The following PEPD variants were observed in gnomAD, a reference collection of about 807,000 sequenced individuals.
The protein encoded by PEPD is xaa-Pro dipeptidase.
A neutral mutation model predicts 60.7 loss-of-function variants in PEPD; 53 were observed. The observed-to-expected ratio is 0.87, with a 90% confidence interval of 0.70 to 1.10. PEPD has a LOEUF of 1.10. PEPD is among the 50% of genes least tolerant of loss of function. The pLI, the probability that PEPD is intolerant of heterozygous loss-of-function variation, is 0.00. For missense variants in PEPD, 711 were observed against 711.9 expected (o/e 1.00, Z 0.01); for synonymous variants, 267 against 284.1 (o/e 0.94, Z 0.60).
chr19:33,492,043 CA>C (rs757173823), intron 5 of PEPD, among the ~76,000 whole-genome samples: 4,181 of 81,564 alleles, frequency 0.051, 145 homozygotes, highest in African/African-American at 0.16. Flanking sequence ...TATTCCATTT[CA>C]AAAAAAAAAA....
chr19:33,436,549 G>C (rs150582648), intron 9 of PEPD, among the ~76,000 whole-genome samples: 4 of 152,336 alleles, frequency 2.6e-5, no homozygotes, highest in South Asian at 4.1e-4. Context: ...CCCCTGCAGG[G>C]GCAGAGGGGC....
intron 9 of PEPD, among the ~76,000 whole-genome samples, chr19:33,461,442 T>C (rs7258496): frequency 0.42 from 63,350 of 152,002 alleles, 13,958 homozygotes; most frequent in African/African-American, 0.56. Context: ...TCTGGGACGC[T>C]GTGGGGAGGG....
chr19:33,498,633 G>A (rs1250545769), intron 4 of PEPD, among the ~76,000 whole-genome samples: 2 of 151,908 alleles, frequency 1.3e-5, no homozygotes, highest in Non-Finnish European at 2.9e-5. Flanking sequence ...CATCCTGCCA[G>A]GGTCCTTGAG....
chr19:33,504,759 CAA>C, intron 3 of PEPD, among the ~76,000 whole-genome samples: 1 of 137,294 alleles, frequency 7.3e-6, no homozygotes, highest in African/African-American at 2.7e-5. Flanking sequence ...AACTCTGTCT[CAA>C]AAAAAAAAAA....
intron 5 of PEPD, among the ~76,000 whole-genome samples, chr19:33,492,076 G>C (rs985556365): frequency 1.3e-5 from 2 of 151,440 alleles, no homozygotes; most frequent in Non-Finnish European, 2.9e-5. Context: ...AAGAGGGAAG[G>C]GTCACTTTGG....
At chr19:33,491,971 T>A (rs1052406923) in intron 5 of PEPD, among the ~76,000 whole-genome samples, 1 of 151,838 alleles carries the variant, frequency 6.6e-6, no homozygotes, top group Non-Finnish European at 1.5e-5. Context: ...GAGAAGTTAC[T>A]GTTTATTTCT....
At chr19:33,496,947 A>G (rs1970618426) in intron 4 of PEPD, among the ~76,000 whole-genome samples, 1 of 152,276 alleles carries the variant, frequency 6.6e-6, no homozygotes, top group Non-Finnish European at 1.5e-5. Context: ...TGCCTTTGCC[A>G]GCGCTGGGAA....
intron 12 of PEPD, 34 bp from the exon 13 acceptor site, chr19:33,391,513 A>G (rs1318311198): frequency 6.5e-7 from 1 of 1,535,034 alleles, no homozygotes; most frequent in Non-Finnish European, 8.8e-7. Context: ...TGAGCCACAG[A>G]GCCCAGCAGC....
intron 1 of PEPD, among the ~76,000 whole-genome samples, chr19:33,520,283 G>A (rs1971107013): frequency 6.6e-6 from 1 of 152,134 alleles, no homozygotes; most frequent in Non-Finnish European, 1.5e-5. Flanking sequence ...GCACCAGCCT[G>A]CTCAGTCTAC....
chr19:33,519,383 T>C (rs33840), intron 1 of PEPD, among the ~76,000 whole-genome samples: 81,475 of 152,138 alleles, frequency 0.54, 22,332 homozygotes, highest in South Asian at 0.69. Context: ...GGAACTCTCA[T>C]GGACCCCCTC....
chr19:33,486,277 G>A (rs1008337291), intron 6 of PEPD, among the ~76,000 whole-genome samples: 15 of 22,852 alleles, frequency 6.6e-4, no homozygotes, highest in Admixed American at 2.5e-3. Flanking sequence ...TCATGCCCCC[G>A]CCAGGACCTG....
At chr19:33,420,814 A>ACAGCAAAATGGCC (rs1486015324) in intron 9 of PEPD, among the ~76,000 whole-genome samples, 4 of 152,164 alleles carry the variant, frequency 2.6e-5, no homozygotes, top group African/African-American at 9.6e-5. Flanking sequence ...TCCTACAGAC[A>ACAGCAAAATGGCC]CAGCACAATG....
chr19:33,442,153 C>A (rs1287033710), intron 9 of PEPD, among the ~76,000 whole-genome samples: 1 of 152,220 alleles, frequency 6.6e-6, no homozygotes, highest in Non-Finnish European at 1.5e-5. Flanking sequence ...AATCCCAGCA[C>A]TTTAGGAGGC....
intron 9 of PEPD, among the ~76,000 whole-genome samples, chr19:33,415,138 T>C (rs925525295): frequency 1.3e-5 from 2 of 152,030 alleles, no homozygotes; most frequent in Non-Finnish European, 2.9e-5. Context: ...AGAAGAGGCC[T>C]GACCCACGCC....
chr19:33,484,628 TA>T (rs1282868891), intron 6 of PEPD, among the ~76,000 whole-genome samples: 3 of 151,992 alleles, frequency 2.0e-5, no homozygotes, highest in Non-Finnish European at 4.4e-5. Context: ...GGCACAAGCT[TA>T]GGGGAATGTA....
intron 6 of PEPD, among the ~76,000 whole-genome samples, chr19:33,480,679 C>A (rs1282868551): frequency 1.3e-5 from 2 of 152,116 alleles, no homozygotes; most frequent in Non-Finnish European, 2.9e-5. Flanking sequence ...CCTGTAATCC[C>A]AGCTACTCAG....
At position 33,466,644 on chromosome 19, in the gene PEPD, T is replaced by C. The variant is rs539997294; in HGVS notation, c.549-2582A>G. 6.0e-4 allele frequency among the ~76,000 whole-genome samples: 91 copies of C among 152,048 alleles called. 1 individual carries two copies. The highest frequency in any genetic ancestry group is 1.9e-3 in the East Asian group (10 of 5,166). ...ACCATCACAATACCCAGGTAAGAGA[T>C]AGAACTATATTGGCCACGTCCAGGA... On this transcript the variant is annotated intron_variant, in intron 7 of 14. Transcript: ENST00000244137.
intron 7 of PEPD, among the ~76,000 whole-genome samples, chr19:33,472,469 TCAAA>T (rs1970138514): frequency 1.3e-5 from 2 of 152,130 alleles, no homozygotes; most frequent in Non-Finnish European, 2.9e-5. Flanking sequence ...TGGAGGCTGC[TCAAA>T]CAGACAGGGA....
At chr19:33,405,698 G>T (rs1291650454) in intron 11 of PEPD, among the ~76,000 whole-genome samples, 3 of 152,368 alleles carry the variant, frequency 2.0e-5, no homozygotes, top group Non-Finnish European at 4.4e-5. Flanking sequence ...CTCCAAGCGT[G>T]GCCAGCAGGG....
Sources: allele counts gnomAD v4.1 joint callset (sites outside exome capture counted in the v4.1 genomes callset), GRCh38; gene constraint gnomAD v4.1.1; transcripts MANE v1.5; gene names NCBI Gene and HGNC (gene_info 2026-07-23, HGNC 2026-07-21).